The following YWHAE variants were observed in gnomAD, a reference collection of about 807,000 sequenced individuals.
YWHAE encodes tyrosine 3-monooxygenase/tryptophan 5-monooxygenase activation protein epsilon.
Under a neutral mutation model 30.1 loss-of-function variants are expected in YWHAE, and 4 were observed. The ratio of observed to expected loss-of-function variants is 0.13; its 90% CI spans 0.07 to 0.30. The LOEUF (loss-of-function observed/expected upper bound fraction) is 0.30. Among genes scored for constraint, YWHAE ranks in the 10% least tolerant of loss-of-function variants. YWHAE has a pLI of 1.00. For missense variants in YWHAE, 121 were observed against 315.9 expected (o/e 0.38, Z 4.68); for synonymous variants, 118 against 111.8 (o/e 1.06, Z -0.35).
intron 1 of YWHAE, among the ~76,000 whole-genome samples, chr17:1,385,162 A>AAG (rs386385423): frequency 6.6e-6 from 1 of 151,516 alleles, no homozygotes; most frequent in African/African-American, 2.4e-5. Flanking sequence ...AAAAAAAAAA[A>AAG]AGTAAAGATA....
rs1598280118 is a variant in YWHAE at position 1,400,175 on chromosome 17, A to G, written c.-65T>C. The G allele has an allele frequency of 1.3e-6, 2 of 1,592,666 alleles. No individual in the cohort carries two copies. The highest frequency in any genetic ancestry group is 2.2e-5 in the South Asian group (2 of 90,682). On this transcript the variant is annotated 5_prime_UTR_variant, in exon 1 of 6. Coordinates refer to ENST00000264335, the MANE Select transcript of YWHAE (RefSeq NM_006761.5). ...AGCGGATAGTGTCTCCGACTCTCTC[A>G]GCCTCTCGCTCCGCGTCCGGGCAGC...
intron 1 of YWHAE, among the ~76,000 whole-genome samples, chr17:1,383,881 C>G (rs912402197): frequency 2.0e-5 from 3 of 151,960 alleles, no homozygotes; most frequent in African/African-American, 7.3e-5. Flanking sequence ...GGCAATATGG[C>G]AAGACCCCAT....
At chr17:1,349,908 C>T (rs1284274566) in intron 5 of YWHAE, among the ~76,000 whole-genome samples, 2 of 151,698 alleles carry the variant, frequency 1.3e-5, no homozygotes, top group Non-Finnish European at 2.9e-5. Context: ...AGCCACTGCG[C>T]CCAGCCGAAT....
intron 1 of YWHAE, among the ~76,000 whole-genome samples, chr17:1,366,018 C>G (rs2072936422): frequency 6.6e-6 from 1 of 151,916 alleles, no homozygotes; most frequent in Non-Finnish European, 1.5e-5. Context: ...GAGATAAAGA[C>G]TATCCTGGCC....
At chr17:1,389,120 TA>T (rs1201099399) in intron 1 of YWHAE, among the ~76,000 whole-genome samples, 3 of 152,060 alleles carry the variant, frequency 2.0e-5, no homozygotes, top group African/African-American at 7.2e-5. Flanking sequence ...CACATGCCAC[TA>T]GGTCAAGCTA....
chr17:1,378,961 AAAAG>A (rs1231929873), intron 1 of YWHAE, among the ~76,000 whole-genome samples: 4 of 152,098 alleles, frequency 2.6e-5, no homozygotes, highest in Admixed American at 2.0e-4. Flanking sequence ...AAAAAAAAAA[AAAAG>A]AAATTCAGTA....
Position 1,400,169 on chromosome 17 carries a change from T to A in YWHAE, c.-59A>T. 1 of 1,592,314 alleles carries A rather than the reference T, an allele frequency of 6.3e-7. No homozygotes were observed. The highest frequency in any genetic ancestry group is 1.7e-5 in the Admixed American group (1 of 59,752). ...GATGGAAGCGGATAGTGTCTCCGAC[T>A]CTCTCAGCCTCTCGCTCCGCGTCCG... On this transcript the variant is annotated 5_prime_UTR_variant, in exon 1 of 6. Coordinates refer to ENST00000264335, the MANE Select transcript of YWHAE (RefSeq NM_006761.5).
At chr17:1,381,516 T>G (rs751608854) in intron 1 of YWHAE, among the ~76,000 whole-genome samples, 3 of 151,340 alleles carry the variant, frequency 2.0e-5, no homozygotes, top group Admixed American at 6.6e-5. Flanking sequence ...TCCAAATAAA[T>G]CAATAAACTC....
chr17:1,354,612 C>T (rs1479662849), intron 4 of YWHAE, among the ~76,000 whole-genome samples: 3 of 152,172 alleles, frequency 2.0e-5, no homozygotes, highest in Non-Finnish European at 4.4e-5. Flanking sequence ...TAAACCATCA[C>T]CAAAAAATAT....
intron 4 of YWHAE, among the ~76,000 whole-genome samples, chr17:1,357,128 G>A (rs2072760953): frequency 6.6e-6 from 1 of 151,752 alleles, no homozygotes; most frequent in African/African-American, 2.4e-5. Context: ...AATAGGCCGG[G>A]CGCGGTGGCT....
chr17:1,353,446 A>AAAAAAG (rs1246611850), intron 5 of YWHAE, among the ~76,000 whole-genome samples: 2 of 140,788 alleles, frequency 1.4e-5, no homozygotes, highest in East Asian at 2.2e-4. Flanking sequence ...TCAAAAAAAA[A>AAAAAAG]AAAAGAAAAG....
intron 4 of YWHAE, among the ~76,000 whole-genome samples, chr17:1,359,812 T>TTGTGTGTGTG (rs59650315): frequency 2.7e-3 from 353 of 130,710 alleles, no homozygotes; most frequent in African/African-American, 7.2e-3. Flanking sequence ...CACTAAATTG[T>TTGTGTGTGTG]TGTGTGTGTG....
chr17:1,347,581 G>A (rs984834764), intron 5 of YWHAE, among the ~76,000 whole-genome samples: 1 of 152,120 alleles, frequency 6.6e-6, no homozygotes, highest in African/African-American at 2.4e-5. Flanking sequence ...AAATTGCTTA[G>A]GGATGAAAGA....
intron 1 of YWHAE, among the ~76,000 whole-genome samples, chr17:1,391,839 G>A (rs1312539914): frequency 6.6e-6 from 1 of 152,144 alleles, no homozygotes; most frequent in East Asian, 1.9e-4. Context: ...GGTCATGGCG[G>A]TACCAGCTAC....
chr17:1,357,293 C>T (rs1411053326), intron 4 of YWHAE, among the ~76,000 whole-genome samples: 2 of 151,356 alleles, frequency 1.3e-5, no homozygotes, highest in Non-Finnish European at 2.9e-5. Flanking sequence ...GTCCCAGCTA[C>T]TCGGGAGGCT....
chr17:1,394,847 G>A (rs2073444437), intron 1 of YWHAE, among the ~76,000 whole-genome samples: 1 of 151,598 alleles, frequency 6.6e-6, no homozygotes, highest in Non-Finnish European at 1.5e-5. Flanking sequence ...GGCGCCTGTA[G>A]TCCCAGCTAC....
rs771241641 is a variant in YWHAE at position 1,365,716 on chromosome 17, G to C, written c.65-658C>G. On this transcript the variant is annotated intron_variant, in intron 1 of 5. Coordinates refer to ENST00000264335, the MANE Select transcript of YWHAE (RefSeq NM_006761.5). ...AGCGCCACAAACAGCACAAGAAATA[G>C]TAACTGAATAAATACATTAATAAAA... Among the ~76,000 whole-genome samples the C allele has an allele frequency of 1.8e-4, 27 of 152,152 alleles. 1 individual carries two copies. Among genetic ancestry groups the C allele is most frequent in the Admixed American group, 1.8e-3 (27 of 15,256 alleles).
At chr17:1,377,729 G>A (rs537474171) in intron 1 of YWHAE, among the ~76,000 whole-genome samples, 11 of 152,278 alleles carry the variant, frequency 7.2e-5, no homozygotes, top group African/African-American at 2.4e-4. Context: ...TCATCCCTCT[G>A]GATCAAACTC....
At chr17:1,354,964 GTTTTT>G (rs56351171) in intron 4 of YWHAE, among the ~76,000 whole-genome samples, 8,470 of 72,178 alleles carry the variant, frequency 0.12, 375 homozygotes, top group South Asian at 0.16. Context: ...GCCCAGCCTA[GTTTTT>G]TTTTTTTTTT....
Sources: gnomAD v4.1 joint callset for allele counts (sites outside exome capture counted in the v4.1 genomes callset) on GRCh38, gnomAD v4.1.1 for gene constraint, MANE v1.5 for transcripts, NCBI Gene and HGNC (gene_info 2026-07-23, HGNC 2026-07-21) for gene names.